Variants in UTRN observed in about 807,000 individuals in gnomAD.
UTRN encodes the protein dystrophin-related protein 1.
UTRN carries 283 observed loss-of-function variants against 463.9 expected under a neutral mutation model. The observed-to-expected ratio is 0.61, with a 90% CI of 0.55 to 0.67. UTRN has a LOEUF of 0.67. Among genes scored for constraint, UTRN ranks in the 30% least tolerant of loss-of-function variants. The pLI is 0.00. For missense variants in UTRN, 3,922 were observed against 4,084.3 expected, an observed-to-expected ratio of 0.96 and a Z score of 1.08; for synonymous variants, 1,442 against 1,431.5, an observed-to-expected ratio of 1.01 and a Z score of -0.17.
chr6:144,474,504 T>C, intron 24 of UTRN, 100 bp from the exon 25 acceptor site: 3 of 1,260,760 alleles, frequency 2.4e-6, no homozygotes, highest in South Asian at 1.6e-5. Context: ...TCTTAAGCAG[T>C]CTGCTTGTGT....
At chr6:144,464,193 C>T (rs1370112977) in intron 23 of UTRN, among the ~76,000 whole-genome samples, 1 of 152,070 alleles carries the variant, frequency 6.6e-6, no homozygotes, top group African/African-American at 2.4e-5. Flanking sequence ...TCAGAGAACA[C>T]GTGGTAGAAG....
At chr6:144,485,745 A>C (rs1036246014) in intron 28 of UTRN, among the ~76,000 whole-genome samples, 1 of 152,204 alleles carries the variant, frequency 6.6e-6, no homozygotes, top group Non-Finnish European at 1.5e-5. Flanking sequence ...GCTGTTTGAC[A>C]TCTTACATTT....
At chr6:144,789,799 G>C (rs1776605550) in intron 62 of UTRN, among the ~76,000 whole-genome samples, 1 of 152,056 alleles carries the variant, frequency 6.6e-6, no homozygotes, top group African/African-American at 2.4e-5. Flanking sequence ...ATATTTTACA[G>C]CTGTGACAAA....
At chr6:144,560,312 T>G (rs1291250723) in intron 50 of UTRN, among the ~76,000 whole-genome samples, 1 of 152,202 alleles carries the variant, frequency 6.6e-6, no homozygotes, top group East Asian at 1.9e-4. Flanking sequence ...GCTGACATTC[T>G]TGGTGACTGC....
At chr6:144,681,531 T>C (rs74662095) in intron 52 of UTRN, among the ~76,000 whole-genome samples, 4,685 of 151,930 alleles carry the variant, frequency 0.031, 217 homozygotes, top group African/African-American at 0.11. Context: ...CCAGGAGCAA[T>C]TAGAAGGGCT....
intron 58 of UTRN, among the ~76,000 whole-genome samples, chr6:144,769,295 A>C (rs755051071): frequency 6.6e-6 from 1 of 152,170 alleles, no homozygotes; most frequent in Non-Finnish European, 1.5e-5. Flanking sequence ...TAAAAAAAAA[A>C]CAGCAGCCAA....
At chr6:144,702,743 G>A (rs1784717328) in intron 53 of UTRN, among the ~76,000 whole-genome samples, 1 of 152,108 alleles carries the variant, frequency 6.6e-6, no homozygotes, top group African/African-American at 2.4e-5. Flanking sequence ...GAGGCAGAGA[G>A]CACAAAGGCC....
chr6:144,851,584 T>G lies in UTRN; in HGVS notation c.*587T>G, dbSNP rs1383494959. The G allele has an allele frequency of 1.3e-5, 2 of 153,578 alleles. No homozygotes were observed. The highest frequency in any genetic ancestry group is 4.8e-5 in the African/African-American group (2 of 41,444). The allele number at this position is 153,578 out of a possible 1,614,324, so 9.5% of individuals were successfully genotyped here. On this transcript the variant is annotated 3_prime_UTR_variant, in exon 75 of 75. Coordinates refer to ENST00000367545, the MANE Select transcript of UTRN (RefSeq NM_007124.3). ...GGCCACATTAATAAATTCATAAATTTCAATCAAATATCTTATATATACACA... is the reference window on the plus strand; with the variant it reads ...GGCCACATTAATAAATTCATAAATTGCAATCAAATATCTTATATATACACA...
intron 2 of UTRN, among the ~76,000 whole-genome samples, chr6:144,388,812 C>T (rs1313556578): frequency 6.6e-6 from 1 of 152,104 alleles, no homozygotes; most frequent in African/African-American, 2.4e-5. Flanking sequence ...CGCTAGTATC[C>T]TTTTTAATGC....
At chr6:144,437,797 G>A (rs752585887) in intron 11 of UTRN, 51 bp downstream of exon 11, 2 of 1,556,054 alleles carry the variant, frequency 1.3e-6, no homozygotes, top group Admixed American at 1.9e-5. Flanking sequence ...GCTTTGCACA[G>A]TTGAGCTCTA....
chr6:144,716,323 T>G (rs771176810), intron 53 of UTRN, among the ~76,000 whole-genome samples: 6 of 152,142 alleles, frequency 3.9e-5, no homozygotes, highest in African/African-American at 4.8e-5. Flanking sequence ...ATTTGATACC[T>G]TTGAATGCTA....
At chr6:144,758,307 T>TAAA in intron 58 of UTRN, 3 of 157,490 alleles carry the variant, frequency 1.9e-5, no homozygotes, top group Non-Finnish European at 4.0e-5. Flanking sequence ...CTCTAAAAAG[T>TAAA]AAAAAAAAAA....
At chr6:144,343,332 T>C (rs1777288257) in intron 2 of UTRN, among the ~76,000 whole-genome samples, 1 of 150,284 alleles carries the variant, frequency 6.7e-6, no homozygotes, top group African/African-American at 2.5e-5. Flanking sequence ...GAGACCAGCC[T>C]GACCAACATG....
intron 62 of UTRN, 58 bp downstream of exon 62, chr6:144,789,337 ATT>A (rs1776564513): frequency 7.3e-7 from 1 of 1,364,170 alleles, no homozygotes; most frequent in East Asian, 2.4e-5. Flanking sequence ...GATTATAACA[ATT>A]TATTGGAAAC....
intron 27 of UTRN, among the ~76,000 whole-genome samples, chr6:144,484,733 G>A (rs955918812): frequency 5.3e-5 from 8 of 151,604 alleles, no homozygotes; most frequent in East Asian, 1.9e-4. Context: ...GTGAACCACC[G>A]CACTTGGTCT....
intron 54 of UTRN, among the ~76,000 whole-genome samples, chr6:144,738,213 C>T (rs1392580280): frequency 6.6e-6 from 1 of 152,186 alleles, no homozygotes; most frequent in African/African-American, 2.4e-5. Context: ...CCTCCTTGAT[C>T]TCAATGTCTA....
At position 144,732,239 on chromosome 6, in the gene UTRN, C is replaced by CAT. The variant is rs71810800; in HGVS notation, c.7939+1771_7939+1772dup. Reference sequence around the variant, plus strand: ...TTATATATATATATATATATATATACATATATATATATATATATACACACA... The same window carrying CAT: ...TTATATATATATATATATATATATACATATATATATATATATATATACACACA... On this transcript the variant is annotated intron_variant, in intron 54 of 74. Transcript: ENST00000367545. Among the ~76,000 whole-genome samples the CAT allele has an allele frequency of 1.2e-3, 145 of 116,012 alleles. 1 individual carries two copies. Among genetic ancestry groups the CAT allele is most frequent in the Non-Finnish European group, 1.9e-3 (112 of 59,486 alleles). 76.1% of individuals were successfully genotyped at this position (116,012 alleles called of 152,430 possible). A position where few individuals can be genotyped will look rare whatever the true frequency, so the allele number is the denominator to read the frequency against.
intron 3 of UTRN, among the ~76,000 whole-genome samples, chr6:144,415,809 A>G (rs768704817): frequency 6.6e-6 from 1 of 152,156 alleles, no homozygotes; most frequent in Non-Finnish European, 1.5e-5. Context: ...AGTTCAGGCA[A>G]TAGATAATGG....
At position 144,484,432 on chromosome 6, in the gene UTRN, CTTTTTTTTTTTTTT is replaced by C. The variant is rs765122659; in HGVS notation, c.3688-939_3688-926del. On this transcript the variant is annotated intron_variant, in intron 27 of 74. Coordinates refer to ENST00000367545, the MANE Select transcript of UTRN (RefSeq NM_007124.3). ...TTTTTCATTTTGTTCAAAAACCAAA[CTTTTTTTTTTTTTT>C]TTTTTTTTTTTTTGAGATGGAGTTT... is the stretch of plus-strand genomic sequence containing the variant. 4.8e-4 allele frequency among the ~76,000 whole-genome samples: 32 copies of C among 66,258 alleles called. No homozygotes were observed. The East Asian group carries it at 6.9e-3, about 14-fold the overall frequency. The allele number at this position is 66,258 out of a possible 152,430, so 43.5% of individuals were successfully genotyped here. A position where few individuals can be genotyped will look rare whatever the true frequency, so the allele number is the denominator to read the frequency against.
Sources: gnomAD v4.1 joint callset for allele counts (sites outside exome capture counted in the v4.1 genomes callset) on GRCh38, gnomAD v4.1.1 for gene constraint, MANE v1.5 for transcripts, NCBI Gene and HGNC (gene_info 2026-07-23, HGNC 2026-07-21) for gene names.